GRIK1: variants seen among roughly 807,000 people sequenced by gnomAD.
GRIK1 encodes glutamate receptor ionotropic, kainate 1.
Under a neutral mutation model 105.7 loss-of-function variants are expected in GRIK1, and 69 were observed. The observed-to-expected ratio is 0.65, with a 90% CI of 0.54 to 0.80. The LOEUF (loss-of-function observed/expected upper bound fraction) is 0.80. Ranked by LOEUF, GRIK1 falls within the 30% of genes least tolerant of loss-of-function variation. GRIK1 has a pLI of 0.00. For missense variants in GRIK1, 1,109 were observed against 1,167.3 expected (o/e 0.95, Z 0.73); for synonymous variants, 438 against 431.3 (o/e 1.02, Z -0.19).
At chr21:29,785,524 A>G (rs1262837365) in intron 1 of GRIK1, among the ~76,000 whole-genome samples, 1 of 143,502 alleles carries the variant, frequency 7.0e-6, no homozygotes, top group Admixed American at 7.6e-5. Context: ...AGATTGCATC[A>G]CTGCACTCCA....
At chr21:29,649,905 T>C (rs1407704718) in intron 6 of GRIK1, among the ~76,000 whole-genome samples, 1 of 152,200 alleles carries the variant, frequency 6.6e-6, no homozygotes, top group Non-Finnish European at 1.5e-5. Flanking sequence ...TTGAACTCAT[T>C]GAAATTATAA....
At chr21:29,679,797 G>A (rs1007059892) in intron 3 of GRIK1, among the ~76,000 whole-genome samples, 2 of 152,042 alleles carry the variant, frequency 1.3e-5, no homozygotes, top group South Asian at 2.1e-4. Flanking sequence ...GAATTAAACC[G>A]TAACCTGCCT....
At chr21:29,890,645 G>A (rs1395096877) in intron 1 of GRIK1, among the ~76,000 whole-genome samples, 1 of 152,076 alleles carries the variant, frequency 6.6e-6, no homozygotes, top group Non-Finnish European at 1.5e-5. Context: ...AAATGCTTCA[G>A]AATTAAGACT....
At chr21:29,900,406 C>T (rs774717813) in intron 1 of GRIK1, among the ~76,000 whole-genome samples, 14 of 144,246 alleles carry the variant, frequency 9.7e-5, no homozygotes, top group Non-Finnish European at 1.3e-4. Flanking sequence ...TGCAAAGACA[C>T]ACATAGGCTT....
chr21:29,822,692 T>C (rs867246557), intron 1 of GRIK1, among the ~76,000 whole-genome samples: 3 of 151,992 alleles, frequency 2.0e-5, no homozygotes, highest in Admixed American at 1.3e-4. Flanking sequence ...GCAGTTACCT[T>C]GGACCACGTC....
At chr21:29,698,273 CT>C (rs2063749175) in intron 1 of GRIK1, among the ~76,000 whole-genome samples, 2 of 152,232 alleles carry the variant, frequency 1.3e-5, no homozygotes, top group South Asian at 4.1e-4. Context: ...GCTTAGCTGA[CT>C]TCTACTCCTA....
intron 3 of GRIK1, among the ~76,000 whole-genome samples, chr21:29,686,167 A>G (rs1451675482): frequency 1.3e-5 from 2 of 152,230 alleles, no homozygotes; most frequent in African/African-American, 2.4e-5. Flanking sequence ...TTCATTTTTG[A>G]AGCCTCCTGA....
chr21:29,893,792 T>A (rs2070001190), intron 1 of GRIK1, among the ~76,000 whole-genome samples: 1 of 152,188 alleles, frequency 6.6e-6, no homozygotes, highest in Non-Finnish European at 1.5e-5. Flanking sequence ...GTGTGATAAG[T>A]ACTAGCATGG....
rs73349525 is a variant in GRIK1 at position 29,936,365 on chromosome 21, G to A, written c.118+3018C>T. On this transcript the variant is annotated intron_variant, in intron 1 of 17. Transcript: ENST00000327783. ...TTTTTAATTAATGGTGGTGGGCCAC[G>A]TCTACTAAGTTTACCTAGATCCTGT... is the stretch of plus-strand genomic sequence containing the variant. Among the ~76,000 whole-genome samples the A allele has an allele frequency of 4.1e-3, 628 of 152,208 alleles. 3 individuals carry two copies. Among genetic ancestry groups the A allele is most frequent in the African/African-American group, 0.014 (590 of 41,518 alleles).
At chr21:29,918,664 CT>C (rs1414825380) in intron 1 of GRIK1, among the ~76,000 whole-genome samples, 2 of 151,954 alleles carry the variant, frequency 1.3e-5, no homozygotes, top group Admixed American at 1.3e-4. Flanking sequence ...GCTCTGGTAA[CT>C]AACAGAAAAA....
At chr21:29,927,177 G>T (rs1055199063) in intron 1 of GRIK1, among the ~76,000 whole-genome samples, 1 of 152,038 alleles carries the variant, frequency 6.6e-6, no homozygotes, top group Non-Finnish European at 1.5e-5. Flanking sequence ...CTTTATGTAT[G>T]ATTTGTCTCC....
intron 4 of GRIK1, among the ~76,000 whole-genome samples, chr21:29,660,568 C>T (rs925342761): frequency 6.6e-6 from 1 of 152,210 alleles, no homozygotes; most frequent in Non-Finnish European, 1.5e-5. Context: ...ATATGCCACA[C>T]ATAATTGGTC....
At chr21:29,714,092 G>C (rs1255785096) in intron 1 of GRIK1, among the ~76,000 whole-genome samples, 4 of 152,146 alleles carry the variant, frequency 2.6e-5, no homozygotes, top group Non-Finnish European at 5.9e-5. Context: ...ATATTAACAT[G>C]ATCTAATCTG....
chr21:29,932,912 T>A (rs1271375532), intron 1 of GRIK1, among the ~76,000 whole-genome samples: 1 of 151,054 alleles, frequency 6.6e-6, no homozygotes, highest in African/African-American at 2.4e-5. Context: ...AAAAAGCAAG[T>A]CTAGTGTAAA....
chr21:29,553,732 AT>A, intron 16 of GRIK1: 1 of 1,448,158 alleles, frequency 6.9e-7, no homozygotes, highest in Non-Finnish European at 9.4e-7. Flanking sequence ...TGAGAAAAAA[AT>A]ATAGAAAAAT....
intron 1 of GRIK1, among the ~76,000 whole-genome samples, chr21:29,806,623 C>T (rs908288022): frequency 6.6e-6 from 1 of 152,000 alleles, no homozygotes; most frequent in Non-Finnish European, 1.5e-5. Context: ...CCTTTTAAGA[C>T]ATTTGTTTAG....
chr21:29,752,180 G>A (rs536413465), intron 1 of GRIK1, among the ~76,000 whole-genome samples: 2 of 152,230 alleles, frequency 1.3e-5, no homozygotes, highest in African/African-American at 2.4e-5. Flanking sequence ...GACTTTTAAC[G>A]CTTCTGTAGA....
chr21:29,844,150 A>C (rs2068052123), intron 1 of GRIK1, among the ~76,000 whole-genome samples: 1 of 151,694 alleles, frequency 6.6e-6, no homozygotes, highest in Non-Finnish European at 1.5e-5. Flanking sequence ...TTGTCATTGC[A>C]TTTTTTTTCC....
intron 1 of GRIK1, among the ~76,000 whole-genome samples, chr21:29,774,752 G>A (rs1387108492): frequency 6.6e-6 from 1 of 152,132 alleles, no homozygotes; most frequent in Non-Finnish European, 1.5e-5. Context: ...ATCAAGTGCT[G>A]TTTCTTTATC....
Sources: allele counts gnomAD v4.1 joint callset (sites outside exome capture counted in the v4.1 genomes callset), GRCh38; gene constraint gnomAD v4.1.1; transcripts MANE v1.5; gene names NCBI Gene and HGNC (gene_info 2026-07-23, HGNC 2026-07-21).